Variants in KCNK10 observed in about 807,000 individuals in gnomAD.
KCNK10 encodes potassium channel subfamily K member 10.
KCNK10 carries 25 observed loss-of-function variants against 47.7 expected under a neutral mutation model. The observed-to-expected ratio is 0.52, with a 90% CI of 0.38 to 0.73. The LOEUF is 0.73. KCNK10 is among the 30% of genes least tolerant of loss of function. The pLI, the probability that KCNK10 is intolerant of heterozygous loss-of-function variation, is 0.00. For synonymous variants in KCNK10, 303 were observed against 285.6 expected (o/e 1.06, Z -0.61); for missense variants, 563 against 714.5 (o/e 0.79, Z 2.42).
chr14:88,194,771 C>T (rs371075750), intron 4 of KCNK10, among the ~76,000 whole-genome samples: 1 of 152,110 alleles, frequency 6.6e-6, no homozygotes, highest in Non-Finnish European at 1.5e-5. Flanking sequence ...CTACTCATTG[C>T]CCCGGCTAAC....
intron 4 of KCNK10, among the ~76,000 whole-genome samples, chr14:88,196,670 C>T (rs1022546553): frequency 1.3e-5 from 2 of 152,096 alleles, no homozygotes; most frequent in African/African-American, 2.4e-5. Context: ...AAAGACACTG[C>T]GGTAAAAATC....
intron 1 of KCNK10, among the ~76,000 whole-genome samples, chr14:88,308,496 AT>A (rs1888246104): frequency 6.6e-6 from 1 of 152,240 alleles, no homozygotes; most frequent in South Asian, 2.1e-4. Flanking sequence ...CTCAAAAGAC[AT>A]GTAAATTTAG....
intron 1 of KCNK10, among the ~76,000 whole-genome samples, chr14:88,305,671 G>A (rs900772554): frequency 4.6e-5 from 7 of 152,228 alleles, no homozygotes; most frequent in African/African-American, 1.7e-4. Flanking sequence ...CTTCATTTGG[G>A]TTTCCCCAGA....
At chr14:88,294,955 A>G (rs1379797904) in intron 1 of KCNK10, among the ~76,000 whole-genome samples, 1 of 152,190 alleles carries the variant, frequency 6.6e-6, no homozygotes, top group Non-Finnish European at 1.5e-5. Context: ...TCTTCAATGT[A>G]TTTCTTATAT....
At chr14:88,230,080 C>T (rs1192932956) in intron 3 of KCNK10, among the ~76,000 whole-genome samples, 2 of 152,152 alleles carry the variant, frequency 1.3e-5, no homozygotes, top group Non-Finnish European at 2.9e-5. Context: ...CTACCCATAG[C>T]TATTAAAGAT....
At chr14:88,307,658 T>A (rs534996384) in intron 1 of KCNK10, among the ~76,000 whole-genome samples, 1 of 152,188 alleles carries the variant, frequency 6.6e-6, no homozygotes, top group South Asian at 2.1e-4. Context: ...AGATATGGAG[T>A]CCTTGTTACA....
chr14:88,203,098 G>A (rs1885154733), intron 4 of KCNK10, among the ~76,000 whole-genome samples: 2 of 152,306 alleles, frequency 1.3e-5, no homozygotes, highest in East Asian at 3.9e-4. Flanking sequence ...CCCTGTGGAA[G>A]CCATTCCAGG....
At chr14:88,321,588 A>G (rs1016699266) in intron 1 of KCNK10, among the ~76,000 whole-genome samples, 11 of 152,230 alleles carry the variant, frequency 7.2e-5, no homozygotes, top group African/African-American at 2.7e-4. Context: ...GATTTCAAGT[A>G]GAGACAAAAT....
At position 88,312,265 on chromosome 14, in the gene KCNK10, T is replaced by C. The variant is rs547881100; in HGVS notation, c.52+10482A>G. ...AACCTCTAAGTCATTGGATGCATCC[T>C]GCTTCCTGGAAATCATTTTCTCAAG... On this transcript the variant is annotated intron_variant, in intron 1 of 6. Transcript: ENST00000319231. Among the ~76,000 whole-genome samples, 39 of 152,304 alleles carry C rather than the reference T, an allele frequency of 2.6e-4. No individual in the cohort carries two copies. In the East Asian group the frequency reaches 7.3e-3, roughly 29 times the overall value.
intron 1 of KCNK10, among the ~76,000 whole-genome samples, chr14:88,277,925 C>A (rs1887561263): frequency 6.6e-6 from 1 of 152,176 alleles, no homozygotes; most frequent in South Asian, 2.1e-4. Flanking sequence ...GAAGGTGGAC[C>A]TTTTCCTCTC....
chr14:88,272,744 A>G (rs1471649084), intron 1 of KCNK10, among the ~76,000 whole-genome samples: 1 of 152,134 alleles, frequency 6.6e-6, no homozygotes, highest in Non-Finnish European at 1.5e-5. Context: ...CGTAAGAGAC[A>G]TGCAGCAAGT....
At chr14:88,187,895 C>T in intron 6 of KCNK10, 72 bp downstream of exon 6, 1 of 1,569,300 alleles carries the variant, frequency 6.4e-7, no homozygotes, top group South Asian at 1.1e-5. Flanking sequence ...GCCCACAGGA[C>T]AGAGACAGGC....
chr14:88,288,478 T>C (rs1453213525), intron 1 of KCNK10, among the ~76,000 whole-genome samples: 1 of 152,290 alleles, frequency 6.6e-6, no homozygotes, highest in East Asian at 1.9e-4. Context: ...AAATACATCC[T>C]GATTTCATTC....
chr14:88,238,723 G>C (rs993861251), intron 3 of KCNK10, among the ~76,000 whole-genome samples: 1 of 152,150 alleles, frequency 6.6e-6, no homozygotes, highest in Admixed American at 6.6e-5. Flanking sequence ...TTTGCTAACT[G>C]TTTGGCAGAA....
chr14:88,226,404 A>C (rs942890389), intron 4 of KCNK10, among the ~76,000 whole-genome samples: 1 of 152,198 alleles, frequency 6.6e-6, no homozygotes, highest in Admixed American at 6.5e-5. Flanking sequence ...AGAGGGGGAA[A>C]AAAGCACAGC....
At chr14:88,268,585 G>A (rs1887331607) in intron 1 of KCNK10, among the ~76,000 whole-genome samples, 1 of 152,168 alleles carries the variant, frequency 6.6e-6, no homozygotes, top group Non-Finnish European at 1.5e-5. Context: ...AGGGGGAAAG[G>A]GCCCTTTTAT....
At chr14:88,288,467 CA>C (rs1406542459) in intron 1 of KCNK10, among the ~76,000 whole-genome samples, 1 of 152,160 alleles carries the variant, frequency 6.6e-6, no homozygotes, top group African/African-American at 2.4e-5. Flanking sequence ...CTCTCCCTTC[CA>C]AATACATCCT....
intron 2 of KCNK10, among the ~76,000 whole-genome samples, chr14:88,244,616 C>A (rs1020519435): frequency 2.0e-5 from 3 of 151,670 alleles, no homozygotes; most frequent in Non-Finnish European, 4.4e-5. Context: ...TGCAGTGAGC[C>A]GAGATCGCGC....
At chr14:88,235,648 T>G (rs907839147) in intron 3 of KCNK10, among the ~76,000 whole-genome samples, 8 of 151,748 alleles carry the variant, frequency 5.3e-5, no homozygotes, top group African/African-American at 1.9e-4. Context: ...ACATACAAAC[T>G]AAAGGAATAG....
Sources: gnomAD v4.1 joint callset for allele counts (sites outside exome capture counted in the v4.1 genomes callset) on GRCh38, gnomAD v4.1.1 for gene constraint, MANE v1.5 for transcripts, NCBI Gene and HGNC (gene_info 2026-07-23, HGNC 2026-07-21) for gene names.